Variants in PTPRD observed in about 807,000 individuals in gnomAD.
The protein encoded by PTPRD is receptor-type tyrosine-protein phosphatase delta.
In PTPRD, 34 loss-of-function variants were observed where a neutral mutation model predicts 214.5. The ratio of observed to expected loss-of-function variants is 0.16; its 90% CI spans 0.12 to 0.21. The LOEUF (loss-of-function observed/expected upper bound fraction) is 0.21. Among genes scored for constraint, PTPRD ranks in the 10% least tolerant of loss-of-function variants. PTPRD has a pLI of 1.00. For synonymous variants in PTPRD, 1,128 were observed against 845.7 expected (o/e 1.33, Z -5.79); for missense variants, 2,545 against 2,398.7 (o/e 1.06, Z -1.27).
chr9:9,866,688 C>A (rs1179678550), intron 5 of PTPRD, among the ~76,000 whole-genome samples: 2 of 152,060 alleles, frequency 1.3e-5, no homozygotes, highest in Admixed American at 6.6e-5. Context: ...GGGTTGATTT[C>A]AACATTTCTT....
intron 2 of PTPRD, among the ~76,000 whole-genome samples, chr9:10,463,567 T>A (rs982685273): frequency 2.5e-4 from 38 of 152,142 alleles, no homozygotes; most frequent in Admixed American, 2.0e-4. Context: ...GAATTCACAA[T>A]GACCTCAGTA....
chr9:9,309,273 C>T lies in PTPRD; in HGVS notation c.-203+88176G>A, dbSNP rs78868812. Among the ~76,000 whole-genome samples the T allele has an allele frequency of 8.8e-3, 1,333 of 150,980 alleles. 14 individuals carry two copies. The highest frequency in any genetic ancestry group is 0.031 in the African/African-American group (1,256 of 41,138). ...CCCTATCTCAAACTCAGCACAAATA[C>T]TCCAGTTTCCTAAAAGGTATAGATG... On this transcript the variant is annotated intron_variant, in intron 9 of 45. Coordinates refer to ENST00000381196, the MANE Select transcript of PTPRD (RefSeq NM_002839.4).
intron 10 of PTPRD, among the ~76,000 whole-genome samples, chr9:9,053,016 T>C (rs2099689333): frequency 6.6e-6 from 1 of 152,196 alleles, no homozygotes; most frequent in Non-Finnish European, 1.5e-5. Flanking sequence ...AGATGGTGAA[T>C]GACAATTTCC....
chr9:10,341,083 T>C (rs1204237096), intron 2 of PTPRD, 66 bp from the exon 3 acceptor site: 3 of 151,990 alleles, frequency 2.0e-5, no homozygotes, highest in Non-Finnish European at 4.4e-5. Context: ...TATTGGTTTC[T>C]TCATTCTGTG....
At chr9:9,701,745 T>C (rs913811716) in intron 7 of PTPRD, among the ~76,000 whole-genome samples, 1 of 152,262 alleles carries the variant, frequency 6.6e-6, no homozygotes, top group South Asian at 2.1e-4. Context: ...GAATATGCTA[T>C]TAATACAATT....
intron 8 of PTPRD, among the ~76,000 whole-genome samples, chr9:9,443,852 G>A (rs1016464969): frequency 2.0e-5 from 3 of 152,186 alleles, no homozygotes; most frequent in Non-Finnish European, 2.9e-5. Flanking sequence ...AGTTTACAGT[G>A]TATTGTTACA....
At chr9:9,988,673 C>G (rs1017255127) in intron 4 of PTPRD, among the ~76,000 whole-genome samples, 1 of 151,808 alleles carries the variant, frequency 6.6e-6, no homozygotes, top group African/African-American at 2.4e-5. Context: ...TAAAAAACCC[C>G]AGAGTAATTT....
In PTPRD at chr9:9,572,577, A is replaced by G. The variant is rs191631704; in HGVS notation, c.-237+2155T>C. Among the ~76,000 whole-genome samples the G allele has an allele frequency of 4.8e-3, 647 of 135,826 alleles. 12 individuals are homozygous for G. The highest frequency in any genetic ancestry group is 0.04 in the East Asian group (193 of 4,878). The allele number at this position is 135,826 out of a possible 152,430, so 89.1% of individuals were successfully genotyped here. ...TATATATATGTATATATATATATATATATGTGTATATATATGTATATGTGT... is the reference window on the plus strand; with the variant it reads ...TATATATATGTATATATATATATATGTATGTGTATATATATGTATATGTGT... On this transcript the variant is annotated intron_variant, in intron 8 of 45. Transcript: ENST00000381196.
intron 8 of PTPRD, among the ~76,000 whole-genome samples, chr9:9,536,126 A>G (rs1461487567): frequency 1.3e-5 from 2 of 152,012 alleles, no homozygotes; most frequent in Admixed American, 6.6e-5. Context: ...ACATATCAAG[A>G]TAATTGCTTT....
At chr9:8,320,160 G>T (rs911170286) in intron 44 of PTPRD, among the ~76,000 whole-genome samples, 194 bp from the exon 45 acceptor site, 2 of 152,068 alleles carry the variant, frequency 1.3e-5, no homozygotes, top group Non-Finnish European at 2.9e-5. Context: ...TGATAATGAG[G>T]ATGAAGTAAT....
At chr9:8,719,746 T>C (rs2098472383) in intron 12 of PTPRD, among the ~76,000 whole-genome samples, 2 of 152,170 alleles carry the variant, frequency 1.3e-5, no homozygotes, top group Admixed American at 1.3e-4. Flanking sequence ...AGAAAACATT[T>C]GCTGACCTCT....
rs148169591 is a variant in PTPRD at position 9,141,236 on chromosome 9, C to T, written c.-143+42068G>A. Among the ~76,000 whole-genome samples the T allele has an allele frequency of 8.9e-4, 132 of 147,740 alleles. 1 individual carries two copies. The highest frequency in any genetic ancestry group is 3.0e-3 in the African/African-American group (121 of 39,810). On this transcript the variant is annotated intron_variant, in intron 10 of 45. Coordinates refer to ENST00000381196, the MANE Select transcript of PTPRD (RefSeq NM_002839.4). ...TCCCTCCCCCTTCTCTCTCCTCCCC[C>T]CGTCTTCCTCTCCCCTCAGGGGAAG... is the stretch of plus-strand genomic sequence containing the variant.
intron 5 of PTPRD, among the ~76,000 whole-genome samples, chr9:9,905,213 A>C (rs72692727): frequency 6.6e-6 from 1 of 152,000 alleles, no homozygotes. Context: ...TTGTATCTAC[A>C]TATCTTCTGT....
At chr9:10,588,996 T>C (rs976316446) in intron 2 of PTPRD, among the ~76,000 whole-genome samples, 3 of 152,038 alleles carry the variant, frequency 2.0e-5, no homozygotes, top group Non-Finnish European at 2.9e-5. Flanking sequence ...TAGAACCTTT[T>C]CGTCTCACAA....
intron 2 of PTPRD, among the ~76,000 whole-genome samples, chr9:10,422,216 T>A (rs2098552194): frequency 6.6e-6 from 1 of 151,996 alleles, no homozygotes. Context: ...GGGAAAGGAT[T>A]CCCTATTTAA....
At chr9:9,169,716 C>T (rs2099910873) in intron 10 of PTPRD, among the ~76,000 whole-genome samples, 1 of 152,078 alleles carries the variant, frequency 6.6e-6, no homozygotes, top group Non-Finnish European at 1.5e-5. Flanking sequence ...ATGTTTAATA[C>T]CCCTGGGCTG....
chr9:8,337,953 C>A (rs1341794144), intron 43 of PTPRD, among the ~76,000 whole-genome samples: 1 of 151,866 alleles, frequency 6.6e-6, no homozygotes, highest in Non-Finnish European at 1.5e-5. Flanking sequence ...CTGTCACCTT[C>A]AGAATAGTTA....
At chr9:8,643,500 T>G (rs908514908) in intron 12 of PTPRD, among the ~76,000 whole-genome samples, 2 of 152,156 alleles carry the variant, frequency 1.3e-5, no homozygotes, top group Admixed American at 6.5e-5. Flanking sequence ...CAGCAGGCCA[T>G]GTGGAGCGGC....
intron 4 of PTPRD, among the ~76,000 whole-genome samples, chr9:9,952,958 T>A (rs1324715828): frequency 1.3e-5 from 2 of 152,176 alleles, no homozygotes; most frequent in Non-Finnish European, 2.9e-5. Context: ...CTCATACTGC[T>A]TCTCAAACCT....
Sources: allele counts gnomAD v4.1 joint callset (sites outside exome capture counted in the v4.1 genomes callset), GRCh38; gene constraint gnomAD v4.1.1; transcripts MANE v1.5; gene names NCBI Gene and HGNC (gene_info 2026-07-23, HGNC 2026-07-21).